Variants in FSBP observed in about 807,000 individuals in gnomAD.
FSBP encodes fibrinogen silencer-binding protein.
A neutral mutation model predicts 24.6 loss-of-function variants in FSBP; 18 were observed. That is an observed-to-expected ratio of 0.73 (90% confidence interval 0.51 to 1.08). The LOEUF is 1.08. Ranked by LOEUF, FSBP falls within the 50% of genes least tolerant of loss-of-function variation. The pLI, the probability that FSBP is intolerant of heterozygous loss-of-function variation, is 0.00. For missense variants in FSBP, 305 were observed against 347.6 expected, an observed-to-expected ratio of 0.88 and a Z score of 0.98; for synonymous variants, 110 against 125.8, an observed-to-expected ratio of 0.87 and a Z score of 0.84.
chr8:94,434,018 G>T (rs1286909386), intron 1 of FSBP, among the ~76,000 whole-genome samples: 2 of 151,488 alleles, frequency 1.3e-5, no homozygotes, highest in African/African-American at 4.8e-5. Context: ...CTATTTGTAG[G>T]TTATATAAAT....
Position 94,432,622 on chromosome 8 carries a change from T to C in FSBP, c.409A>G (p.Ser137Gly). 1.9e-6 allele frequency: 3 copies of C among 1,548,532 alleles called. No homozygotes were observed. Among genetic ancestry groups the C allele is most frequent in the Non-Finnish European group, 2.6e-6 (3 of 1,145,834 alleles). The change falls in exon 2 of 2, where the codon AGT becomes GGT. Residue 137 changes from serine (S) to glycine (G), a missense_variant. Ser to Gly is a moderately conservative substitution (Grantham distance 56, BLOSUM62 0). Transcript: ENST00000481490. ...NLDEEAQAGT[S>G]SLQVMLDHHP... ...TGATCCAACATTACCTGTAGTGAAC[T>C]GGTACCAGCCTGTGCCTCCTCATCC...
rs767970448 is a variant in FSBP, at chr8:94,428,382, T to A, written c.*3749A>T. ...GTCATCCCTCAGTATCCAAGGGGGA[T>A]TGGTTTCAGGACACCCCCTACCCCA... On this transcript the variant is annotated 3_prime_UTR_variant, in exon 2 of 2. Coordinates refer to ENST00000481490, the MANE Select transcript of FSBP (RefSeq NM_001256141.2). 3 of 940,938 alleles carry A rather than the reference T, an allele frequency of 3.2e-6. No homozygotes were observed. The highest frequency in any genetic ancestry group is 1.8e-5 in the African/African-American group (1 of 56,254). The allele number at this position is 940,938 out of a possible 1,614,324, so 58.3% of individuals were successfully genotyped here. A position where few individuals can be genotyped will look rare whatever the true frequency, so the allele number is the denominator to read the frequency against.
Position 94,431,954 on chromosome 8 carries a change from A to G in FSBP, c.*177T>C. 1 of 1,295,896 alleles carries G rather than the reference A, an allele frequency of 7.7e-7. No homozygotes were observed. The highest frequency in any genetic ancestry group is 9.8e-7 in the Non-Finnish European group (1 of 1,017,656). The allele number at this position is 1,295,896 out of a possible 1,614,324, so 80.3% of individuals were successfully genotyped here. On this transcript the variant is annotated 3_prime_UTR_variant, in exon 2 of 2. Coordinates refer to ENST00000481490, the MANE Select transcript of FSBP (RefSeq NM_001256141.2). ...AATAAAAACTATAACCATGCCAACC[A>G]ACCAGTAAATTTTAATATCTCAAAA...
chr8:94,431,180 A>C lies in FSBP; in HGVS notation c.*951T>G. 5 of 917,290 alleles carry C rather than the reference A, an allele frequency of 5.5e-6. No homozygotes were observed. The South Asian group carries it at 2.5e-4, about 46-fold the overall frequency. 56.8% of individuals were successfully genotyped at this position (917,290 alleles called of 1,614,324 possible). The stretch of plus-strand genomic sequence containing the variant: ...GAGGTTTTATTTCCATGAATACTAA[A>C]ATAACAATACTTATAAAATACATAA... On this transcript the variant is annotated 3_prime_UTR_variant, in exon 2 of 2. Coordinates refer to ENST00000481490, the MANE Select transcript of FSBP (RefSeq NM_001256141.2).
At position 94,431,990 on chromosome 8, in the gene FSBP, A is replaced by T. The variant is rs1812108644; in HGVS notation, c.*141T>A. On this transcript the variant is annotated 3_prime_UTR_variant, in exon 2 of 2. Coordinates refer to ENST00000481490, the MANE Select transcript of FSBP (RefSeq NM_001256141.2). ...TTTAATATCTCAAAAGAAAATAATT[A>T]GAAAATTATATCTAAAAAGTTTTTC... 8 of 1,307,440 alleles carry T rather than the reference A, an allele frequency of 6.1e-6. No homozygotes were observed. In the South Asian group the frequency reaches 1.7e-4, roughly 28 times the overall value. 81.0% of individuals were successfully genotyped at this position (1,307,440 alleles called of 1,614,324 possible). A position where few individuals can be genotyped will look rare whatever the true frequency, so the allele number is the denominator to read the frequency against.
In FSBP at chr8:94,431,685, A is replaced by T. The variant is rs1246048334; in HGVS notation, c.*446T>A. ...AAATCCTAGGATTTACTCCTTCAAA[A>T]GATAAAAGCATAAAAACCAATGTCA... On this transcript the variant is annotated 3_prime_UTR_variant, in exon 2 of 2. Transcript: ENST00000481490. The T allele has an allele frequency of 1.0e-6, 1 of 982,894 alleles. No individual in the cohort carries two copies. Among genetic ancestry groups the T allele is most frequent in the Non-Finnish European group, 1.2e-6 (1 of 827,658 alleles). 60.9% of individuals were successfully genotyped at this position (982,894 alleles called of 1,614,324 possible). A position where few individuals can be genotyped will look rare whatever the true frequency, so the allele number is the denominator to read the frequency against.
chr8:94,436,539 C>T lies in FSBP; in HGVS notation c.330G>A (p.Gln110=). Residue 110 remains glutamine (Q), a synonymous_variant, in exon 1 of 2, where the codon CAG becomes CAA. Coordinates refer to ENST00000481490, the MANE Select transcript of FSBP (RefSeq NM_001256141.2). ...CTCTTACCAGGCAAAAACTGGAAAT[C>T]TGGGGAATCATCTCCATAACTTTCT... The part of the protein sequence containing the change: ...PTKKVMEMIP[Q]ISSFCLVRDR... The T allele has an allele frequency of 6.5e-7, 1 of 1,550,116 alleles. No homozygotes were observed. The highest frequency in any genetic ancestry group is 1.2e-5 in the South Asian group (1 of 83,966).
intron 1 of FSBP, among the ~76,000 whole-genome samples, chr8:94,433,884 G>A (rs1346461126): frequency 6.6e-6 from 1 of 151,638 alleles, no homozygotes; most frequent in Non-Finnish European, 1.5e-5. Context: ...ACAAGTTCAA[G>A]CAGAATGCAT....
Position 94,428,236 on chromosome 8 carries a change from A to G in FSBP, c.*3895T>C. The G allele has an allele frequency of 1.1e-6, 1 of 911,196 alleles. No homozygotes were observed. Among genetic ancestry groups the G allele is most frequent in the Non-Finnish European group, 1.3e-6 (1 of 762,406 alleles). The allele number at this position is 911,196 out of a possible 1,614,324, so 56.4% of individuals were successfully genotyped here. A position where few individuals can be genotyped will look rare whatever the true frequency, so the allele number is the denominator to read the frequency against. ...AGTATATTTCTACAGAATCAAGTCT[A>G]CATTTAAAAAACAAAATCACTCTTC... On this transcript the variant is annotated 3_prime_UTR_variant, in exon 2 of 2. Transcript: ENST00000481490.
In FSBP at chr8:94,429,425, A is replaced by G; in HGVS notation, c.*2706T>C. The G allele has an allele frequency of 2.2e-6, 2 of 912,954 alleles. No homozygotes were observed. Among genetic ancestry groups the G allele is most frequent in the Non-Finnish European group, 2.6e-6 (2 of 764,098 alleles). The allele number at this position is 912,954 out of a possible 1,614,324, so 56.6% of individuals were successfully genotyped here. A position where few individuals can be genotyped will look rare whatever the true frequency, so the allele number is the denominator to read the frequency against. On this transcript the variant is annotated 3_prime_UTR_variant, in exon 2 of 2. Coordinates refer to ENST00000481490, the MANE Select transcript of FSBP (RefSeq NM_001256141.2). ...TAACACAGATCTCTTTTCTAGAAAC[A>G]TCTCACAGAATTAATGTTCCACAGA...
Position 94,430,594 on chromosome 8 carries a change from C to T in FSBP, c.*1537G>A, listed in dbSNP as rs1586164291. The T allele has an allele frequency of 3.3e-6, 2 of 605,430 alleles. No individual in the cohort carries two copies. Among genetic ancestry groups the T allele is most frequent in the Non-Finnish European group, 4.1e-6 (2 of 483,350 alleles). The allele number at this position is 605,430 out of a possible 1,614,324, so 37.5% of individuals were successfully genotyped here. The stretch of plus-strand genomic sequence containing the variant: ...ATTTCTAACAAGTTCTCAAGTGATG[C>T]TGATGCTGCTGGTCAGGACCCATAC... On this transcript the variant is annotated 3_prime_UTR_variant, in exon 2 of 2. Coordinates refer to ENST00000481490, the MANE Select transcript of FSBP (RefSeq NM_001256141.2).
chr8:94,432,128 A>T lies in FSBP; in HGVS notation c.*3T>A. On this transcript the variant is annotated 3_prime_UTR_variant, in exon 2 of 2. Coordinates refer to ENST00000481490, the MANE Select transcript of FSBP (RefSeq NM_001256141.2). Reference sequence around the variant, plus strand: ...TATCAAATTGCAAGATTGAAAAAAAAACTTAGAGACTGTTATATTCAGGTA... The same window carrying T: ...TATCAAATTGCAAGATTGAAAAAAATACTTAGAGACTGTTATATTCAGGTA... 9.3e-6 allele frequency: 14 copies of T among 1,511,400 alleles called. No homozygotes were observed. The highest frequency in any genetic ancestry group is 1.1e-5 in the Non-Finnish European group (12 of 1,132,222). The allele number at this position is 1,511,400 out of a possible 1,614,324, so 93.6% of individuals were successfully genotyped here.
chr8:94,430,483 T>C lies in FSBP; in HGVS notation c.*1648A>G. ...CTCTGTTTCACTGGTTCTCAAACTT[T>C]AGCATGCATCAGAATCGCTAAAGGG... is the stretch of plus-strand genomic sequence containing the variant. On this transcript the variant is annotated 3_prime_UTR_variant, in exon 2 of 2. Transcript: ENST00000481490. 1.2e-5 allele frequency: 12 copies of C among 970,316 alleles called. No homozygotes were observed. The highest frequency in any genetic ancestry group is 1.5e-5 in the Non-Finnish European group (12 of 816,308). 60.1% of individuals were successfully genotyped at this position (970,316 alleles called of 1,614,324 possible).
Position 94,436,741 on chromosome 8 carries a change from T to C in FSBP, c.128A>G (p.Asn43Ser), listed in dbSNP as rs755651530. 6 of 1,550,612 alleles carry C rather than the reference T, an allele frequency of 3.9e-6. No individual in the cohort carries two copies. Among genetic ancestry groups the C allele is most frequent in the Admixed American group, 2.0e-5 (1 of 50,988 alleles). The part of the protein sequence containing the change: ...TNKHSVIVEK[N>S]RCWDIIAVNY... ...AACTGCTATGATATCCCAACATCTATTCTTTTCTACTATTACTGAATGTTT... is the reference window on the plus strand; with the variant it reads ...AACTGCTATGATATCCCAACATCTACTCTTTTCTACTATTACTGAATGTTT... The change falls in exon 1 of 2, where the codon AAT becomes AGT. Residue 43 changes from asparagine to serine, a missense_variant. By Grantham distance (46) the Asn-to-Ser change is conservative. Transcript: ENST00000481490.
chr8:94,436,040 T>C (rs1426781551), intron 1 of FSBP, among the ~76,000 whole-genome samples: 1 of 152,130 alleles, frequency 6.6e-6, no homozygotes, highest in African/African-American at 2.4e-5. Flanking sequence ...ATTCAATAAG[T>C]GTAGACAATG....
Position 94,436,914 on chromosome 8 carries a change from C to T in FSBP, c.-46G>A. ...GGCAGTTTCTGAAACCACCATGCAG[C>T]CTTCAGCTCTGCTCAGCTCTTTTCA... is the stretch of plus-strand genomic sequence containing the variant. On this transcript the variant is annotated 5_prime_UTR_variant, in exon 1 of 2. Coordinates refer to ENST00000481490, the MANE Select transcript of FSBP (RefSeq NM_001256141.2). 1.4e-6 allele frequency: 2 copies of T among 1,478,612 alleles called. No homozygotes were observed. The highest frequency in any genetic ancestry group is 1.8e-6 in the Non-Finnish European group (2 of 1,117,714). The allele number at this position is 1,478,612 out of a possible 1,614,324, so 91.6% of individuals were successfully genotyped here. A position where few individuals can be genotyped will look rare whatever the true frequency, so the allele number is the denominator to read the frequency against.
At chr8:94,436,401 G>A in intron 1 of FSBP, 94 bp downstream of exon 1, 2 of 1,366,278 alleles carry the variant, frequency 1.5e-6, no homozygotes, top group East Asian at 2.6e-5. Context: ...CCGTTGTGGG[G>A]ATGCTTACTA....
intron 1 of FSBP, among the ~76,000 whole-genome samples, chr8:94,435,403 GT>G (rs1249855187): frequency 6.6e-6 from 1 of 151,932 alleles, no homozygotes; most frequent in Non-Finnish European, 1.5e-5. Flanking sequence ...CTACAAAGTG[GT>G]TTTTTTCTGC....
chr8:94,427,931 T>TA lies in FSBP; in HGVS notation c.*4199dup, dbSNP rs80311026. The TA allele has an allele frequency of 0.03, 22,559 of 742,606 alleles. No individual in the cohort carries two copies. Among genetic ancestry groups the TA allele is most frequent in the Non-Finnish European group, 0.034 (20,729 of 609,854 alleles). The allele number at this position is 742,606 out of a possible 1,614,324, so 46.0% of individuals were successfully genotyped here. ...GATAGAACAGGGTAGAATGACTCCT[T>TA]AAAAAAAAAAATGAAATAACACCAA... On this transcript the variant is annotated 3_prime_UTR_variant, in exon 2 of 2. Coordinates refer to ENST00000481490, the MANE Select transcript of FSBP (RefSeq NM_001256141.2).
Sources: allele counts gnomAD v4.1 joint callset (sites outside exome capture counted in the v4.1 genomes callset), GRCh38; gene constraint gnomAD v4.1.1; transcripts MANE v1.5; gene names NCBI Gene and HGNC (gene_info 2026-07-23, HGNC 2026-07-21).